Variants in TBC1D30 observed in about 807,000 individuals in gnomAD.
TBC1D30 encodes the protein TBC1 domain family member 30, also known as TBC1 domain family, member 30.
A neutral mutation model predicts 63.2 loss-of-function variants in TBC1D30; 31 were observed. The observed-to-expected ratio is 0.49, with a 90% CI of 0.37 to 0.66. The LOEUF (loss-of-function observed/expected upper bound fraction) is 0.66, where lower values mean the gene tolerates loss of function less well. TBC1D30 is among the 30% of genes least tolerant of loss of function. The pLI, the probability that TBC1D30 is intolerant of heterozygous loss-of-function variation, is 0.00. For synonymous variants in TBC1D30, 307 were observed against 361.5 expected, an observed-to-expected ratio of 0.85 and a Z score of 1.71; for missense variants, 810 against 953.6, an observed-to-expected ratio of 0.85 and a Z score of 1.98.
chr12:64,863,021 C>A (rs1464454352), intron 8 of TBC1D30, among the ~76,000 whole-genome samples: 1 of 152,058 alleles, frequency 6.6e-6, no homozygotes, highest in Non-Finnish European at 1.5e-5. Flanking sequence ...TAAGAGCAAG[C>A]GGGGAAGAAT....
At chr12:64,870,274 C>T (rs892452350) in intron 10 of TBC1D30, among the ~76,000 whole-genome samples, 1 of 152,146 alleles carries the variant, frequency 6.6e-6, no homozygotes, top group Non-Finnish European at 1.5e-5. Flanking sequence ...GGAGTTATAT[C>T]TTTCTAAGGA....
At chr12:64,763,602 T>C (rs926000267) in intron 1 of TBC1D30, among the ~76,000 whole-genome samples, 2 of 151,814 alleles carry the variant, frequency 1.3e-5, no homozygotes, top group Non-Finnish European at 2.9e-5. Flanking sequence ...TGGTTTTGTA[T>C]CCTATTAATT....
intron 2 of TBC1D30, among the ~76,000 whole-genome samples, chr12:64,795,816 T>TC (rs1166556668): frequency 6.6e-6 from 1 of 151,714 alleles, no homozygotes; most frequent in Non-Finnish European, 1.5e-5. Context: ...ATGCTTTTTT[T>TC]TTTCAATCTT....
chr12:64,795,090 G>A (rs968266623), intron 2 of TBC1D30, among the ~76,000 whole-genome samples: 1 of 152,184 alleles, frequency 6.6e-6, no homozygotes, highest in Non-Finnish European at 1.5e-5. Context: ...GAGTCTAAAT[G>A]CTGACTTGAA....
At chr12:64,852,234 C>G (rs1207163881) in intron 8 of TBC1D30, among the ~76,000 whole-genome samples, 1 of 152,004 alleles carries the variant, frequency 6.6e-6, no homozygotes, top group African/African-American at 2.4e-5. Context: ...TCTTTTTTCT[C>G]TAATCTTATC....
intron 7 of TBC1D30, among the ~76,000 whole-genome samples, chr12:64,841,075 C>T (rs535834230): frequency 6.6e-6 from 1 of 152,154 alleles, no homozygotes; most frequent in East Asian, 1.9e-4. Flanking sequence ...GTCACACAGC[C>T]AGTGAATAGC....
intron 10 of TBC1D30, 59 bp downstream of exon 10, chr12:64,866,962 TG>T: frequency 6.6e-7 from 1 of 1,514,210 alleles, no homozygotes; most frequent in South Asian, 1.2e-5. Flanking sequence ...ACAATAAGAG[TG>T]ATATTGTGTC....
chr12:64,872,243 G>T (rs1379666822), intron 11 of TBC1D30, among the ~76,000 whole-genome samples: 2 of 152,134 alleles, frequency 1.3e-5, no homozygotes, highest in African/African-American at 4.8e-5. Flanking sequence ...GGCCAGGCTG[G>T]TCTTGAACTT....
chr12:64,819,107 C>T (rs1873729972), intron 2 of TBC1D30, among the ~76,000 whole-genome samples: 1 of 152,196 alleles, frequency 6.6e-6, no homozygotes, highest in Non-Finnish European at 1.5e-5. Flanking sequence ...TAAAGCCTCT[C>T]TGTTCCATGC....
In TBC1D30 at chr12:64,834,707, C is replaced by CTTTT. The variant is rs11374555; in HGVS notation, c.595-1762_595-1759dup. 7.3e-4 allele frequency among the ~76,000 whole-genome samples: 56 copies of CTTTT among 76,344 alleles called. 1 individual carries two copies. The highest frequency in any genetic ancestry group is 8.9e-4 in the East Asian group (2 of 2,244). The allele number at this position is 76,344 out of a possible 152,430, so 50.1% of individuals were successfully genotyped here. On this transcript the variant is annotated intron_variant, in intron 5 of 11. Coordinates refer to ENST00000539867, the MANE Select transcript of TBC1D30 (RefSeq NM_015279.2). ...TACAGGCATGAGCCACCGTGCCGGG[C>CTTTT]TTTTTTTTTTTTTTTTTTTTTTTTG... is the stretch of plus-strand genomic sequence containing the variant.
chr12:64,826,713 T>C (rs1874387109), intron 1 of TBC1D30, among the ~76,000 whole-genome samples: 1 of 152,152 alleles, frequency 6.6e-6, no homozygotes, highest in South Asian at 2.1e-4. Flanking sequence ...AGAGTATGGT[T>C]ATGGCCCTGA....
At chr12:64,824,555 C>G (rs1196008375), upstream of TBC1D30, 12 of 280,340 alleles carry the variant, frequency 4.3e-5, no homozygotes, top group Non-Finnish European at 7.3e-5. Flanking sequence ...ACGGCGGTGC[C>G]GGGATTGGGG....
intron 2 of TBC1D30, among the ~76,000 whole-genome samples, chr12:64,788,192 GGTGTGTGTGTGT>G (rs61697442): frequency 9.0e-5 from 13 of 145,146 alleles, no homozygotes; most frequent in African/African-American, 2.0e-4. Flanking sequence ...GGTGTGTAGG[GGTGTGTGTGTGT>G]GTGTGTGTGT....
chr12:64,853,419 G>C (rs1000035108), intron 8 of TBC1D30, among the ~76,000 whole-genome samples: 2 of 152,212 alleles, frequency 1.3e-5, no homozygotes, highest in African/African-American at 4.8e-5. Flanking sequence ...ATCTTAGTTT[G>C]CTGGGCTCCA....
At position 64,873,787 on chromosome 12, in the gene TBC1D30, G is replaced by T. The variant is rs185914685; in HGVS notation, c.1499-1214G>T. On this transcript the variant is annotated intron_variant, in intron 11 of 11. Transcript: ENST00000539867. The stretch of plus-strand genomic sequence containing the variant: ...TCACAGTGACAGTCAAATAATTGGG[G>T]AGGTGGCAGGAATGTGGTGAAGAGG... 1.2e-3 allele frequency among the ~76,000 whole-genome samples: 177 copies of T among 152,296 alleles called. 2 individuals are homozygous for T. Among genetic ancestry groups the T allele is most frequent in the Non-Finnish European group, 5.3e-4 (36 of 68,020 alleles).
chr12:64,828,858 A>G (rs893791156), intron 3 of TBC1D30, among the ~76,000 whole-genome samples: 3 of 152,208 alleles, frequency 2.0e-5, no homozygotes, highest in Non-Finnish European at 4.4e-5. Flanking sequence ...GGAATTTTAA[A>G]TAGCAAGGTG....
At chr12:64,838,248 G>GA (rs1316209768) in intron 6 of TBC1D30, among the ~76,000 whole-genome samples, 1 of 152,176 alleles carries the variant, frequency 6.6e-6, no homozygotes, top group Admixed American at 6.5e-5. Flanking sequence ...TATAACTTAA[G>GA]AAGTTGGTAG....
intron 8 of TBC1D30, among the ~76,000 whole-genome samples, chr12:64,851,278 T>C (rs1876851524): frequency 1.3e-5 from 2 of 152,176 alleles, no homozygotes; most frequent in Non-Finnish European, 2.9e-5. Context: ...CTCCTTCAGT[T>C]CCACTCTGAT....
intron 8 of TBC1D30, among the ~76,000 whole-genome samples, chr12:64,863,038 G>T (rs1424676795): frequency 1.3e-5 from 2 of 152,230 alleles, no homozygotes; most frequent in Non-Finnish European, 2.9e-5. Flanking sequence ...GAATTCTGCA[G>T]TGGCAGCGAG....
Sources: gnomAD v4.1 joint callset for allele counts (sites outside exome capture counted in the v4.1 genomes callset) on GRCh38, gnomAD v4.1.1 for gene constraint, MANE v1.5 for transcripts, NCBI Gene and HGNC (gene_info 2026-07-23, HGNC 2026-07-21) for gene names.